The following SHC4 variants were observed in gnomAD, a reference collection of about 807,000 sequenced individuals.
SHC4 encodes SHC-transforming protein 4.
In SHC4, 41 loss-of-function variants were observed where a neutral mutation model predicts 69.4. The observed-to-expected ratio is 0.59, with a 90% CI of 0.46 to 0.77. The LOEUF is 0.77. SHC4 is among the 30% of genes least tolerant of loss of function. SHC4 has a pLI of 0.00. For missense variants in SHC4, 777 were observed against 783.8 expected (o/e 0.99, Z 0.10); for synonymous variants, 318 against 299.3 (o/e 1.06, Z -0.64).
intron 7 of SHC4, among the ~76,000 whole-genome samples, chr15:48,856,482 G>C (rs1366165301): frequency 2.0e-5 from 3 of 152,068 alleles, no homozygotes; most frequent in Non-Finnish European, 4.4e-5. Context: ...AGCACACTTT[G>C]ATTGTTCCAT....
intron 1 of SHC4, among the ~76,000 whole-genome samples, chr15:48,952,285 G>T (rs748174340): frequency 2.6e-5 from 4 of 152,130 alleles, no homozygotes; most frequent in Non-Finnish European, 5.9e-5. Context: ...TAAAGCACAT[G>T]GGTTTTTCAA....
At chr15:48,947,765 T>A (rs535984965) in intron 1 of SHC4, 2 of 152,342 alleles carry the variant, frequency 1.3e-5, no homozygotes, top group East Asian at 3.9e-4. Flanking sequence ...CAAAAGCTAT[T>A]GAAAAAAATT....
At chr15:48,877,930 A>AT in intron 4 of SHC4, 1 of 455,264 alleles carries the variant, frequency 2.2e-6, no homozygotes, top group South Asian at 4.3e-5. Context: ...ACGCTCTTGC[A>AT]TGCAGGGTCC....
chr15:48,837,726 T>C (rs2140969496), intron 10 of SHC4, among the ~76,000 whole-genome samples: 1 of 152,154 alleles, frequency 6.6e-6, no homozygotes, highest in South Asian at 2.1e-4. Flanking sequence ...CATCTTGGAG[T>C]TCCTATTGGC....
At chr15:48,855,514 A>T (rs1360906024) in intron 8 of SHC4, among the ~76,000 whole-genome samples, 1 of 152,152 alleles carries the variant, frequency 6.6e-6, no homozygotes, top group African/African-American at 2.4e-5. Context: ...AGTTTTTTGC[A>T]GGCAGAAGGA....
At chr15:48,920,211 T>C (rs936171449) in intron 2 of SHC4, among the ~76,000 whole-genome samples, 1 of 150,896 alleles carries the variant, frequency 6.6e-6, no homozygotes, top group Non-Finnish European at 1.5e-5. Flanking sequence ...TTAGTAGAGA[T>C]GGGGTTTCAC....
chr15:48,959,345 A>T lies in SHC4; in HGVS notation c.585+3086T>A, dbSNP rs532755618. 1.4e-4 allele frequency among the ~76,000 whole-genome samples: 21 copies of T among 152,328 alleles called. No individual in the cohort carries two copies. The South Asian group carries it at 4.3e-3, about 32-fold the overall frequency. On this transcript the variant is annotated intron_variant, in intron 1 of 11. Coordinates refer to ENST00000332408, the MANE Select transcript of SHC4 (RefSeq NM_203349.4). Reference sequence around the variant, plus strand: ...CTATCTCCGCTCACTAAAATATTTCACAATGATTCAGACCTGGTCTCTTTT... The same window carrying T: ...CTATCTCCGCTCACTAAAATATTTCTCAATGATTCAGACCTGGTCTCTTTT...
intron 2 of SHC4, among the ~76,000 whole-genome samples, chr15:48,902,666 A>G (rs183021390): frequency 3.9e-5 from 6 of 152,190 alleles, no homozygotes; most frequent in African/African-American, 1.2e-4. Flanking sequence ...CAGGCATCCA[A>G]CGACCTGACT....
chr15:48,916,500 G>T (rs556799895), intron 2 of SHC4, among the ~76,000 whole-genome samples: 1 of 145,304 alleles, frequency 6.9e-6, no homozygotes, highest in African/African-American at 2.6e-5. Flanking sequence ...CTGTTTCCTT[G>T]TTGCTTTAGC....
At chr15:48,881,479 C>T (rs1366330145) in intron 4 of SHC4, among the ~76,000 whole-genome samples, 3 of 151,840 alleles carry the variant, frequency 2.0e-5, no homozygotes, top group Admixed American at 6.6e-5. Flanking sequence ...TAGCACTTGA[C>T]ATTTATCATT....
At chr15:48,833,744 C>T (rs908114368) in intron 11 of SHC4, among the ~76,000 whole-genome samples, 2 of 152,186 alleles carry the variant, frequency 1.3e-5, no homozygotes, top group African/African-American at 4.8e-5. Context: ...CTCTTTCCCC[C>T]ATTCCCCCAA....
At chr15:48,921,474 A>C (rs1900752973) in intron 2 of SHC4, among the ~76,000 whole-genome samples, 1 of 151,942 alleles carries the variant, frequency 6.6e-6, no homozygotes, top group Non-Finnish European at 1.5e-5. Context: ...AGCTGGGATT[A>C]CAGGTGTGTG....
chr15:48,859,306 GGTGTGTGTGTGTGTGT>G (rs58641880), intron 6 of SHC4, among the ~76,000 whole-genome samples: 15 of 145,824 alleles, frequency 1.0e-4, no homozygotes, highest in African/African-American at 2.6e-4. Flanking sequence ...ATTTGAAAGG[GGTGTGTGTGTGTGTGT>G]GTGTGTGTGT....
At chr15:48,914,508 C>A (rs534783854) in intron 2 of SHC4, among the ~76,000 whole-genome samples, 74 of 152,358 alleles carry the variant, frequency 4.9e-4, no homozygotes, top group African/African-American at 1.8e-3. Context: ...CACAGCTCCT[C>A]TCTGCCAGTG....
At chr15:48,931,042 C>T (rs1027479536) in intron 1 of SHC4, among the ~76,000 whole-genome samples, 1 of 152,174 alleles carries the variant, frequency 6.6e-6, no homozygotes, top group African/African-American at 2.4e-5. Context: ...CGCTGTCGAC[C>T]TTTACTCAAT....
chr15:48,900,995 T>C (rs1900310279), intron 2 of SHC4, among the ~76,000 whole-genome samples: 1 of 152,252 alleles, frequency 6.6e-6, no homozygotes, highest in South Asian at 2.1e-4. Flanking sequence ...ATTCTGCTGT[T>C]GTAGCTAGAA....
chr15:48,944,934 C>T (rs1901247957), intron 1 of SHC4, among the ~76,000 whole-genome samples: 1 of 152,182 alleles, frequency 6.6e-6, no homozygotes, highest in Non-Finnish European at 1.5e-5. Context: ...CTTCAAATGT[C>T]CTAAGCATGG....
intron 2 of SHC4, among the ~76,000 whole-genome samples, chr15:48,918,141 C>G (rs1279196826): frequency 6.6e-6 from 1 of 152,142 alleles, no homozygotes; most frequent in Non-Finnish European, 1.5e-5. Context: ...ACAGTTTTTT[C>G]TTGTGAAATC....
intron 6 of SHC4, among the ~76,000 whole-genome samples, chr15:48,863,287 T>A (rs908465476): frequency 2.0e-5 from 3 of 152,112 alleles, no homozygotes; most frequent in African/African-American, 7.2e-5. Flanking sequence ...ATGTCTTTCC[T>A]ATCTTCTTAT....
Sources: allele counts gnomAD v4.1 joint callset (sites outside exome capture counted in the v4.1 genomes callset), GRCh38; gene constraint gnomAD v4.1.1; transcripts MANE v1.5; gene names NCBI Gene and HGNC (gene_info 2026-07-23, HGNC 2026-07-21).